Variants in TNRC18 observed in about 807,000 individuals in gnomAD.
The protein encoded by TNRC18 is trinucleotide repeat-containing gene 18 protein.
Under a neutral mutation model 226.7 loss-of-function variants are expected in TNRC18, and 69 were observed. The ratio of observed to expected loss-of-function variants is 0.30; its 90% confidence interval spans 0.25 to 0.37. The LOEUF (loss-of-function observed/expected upper bound fraction) is 0.37. Ranked by LOEUF, TNRC18 falls within the 10% of genes least tolerant of loss-of-function variation. The probability of loss-of-function intolerance (pLI) is 1.00; values close to 1 mark genes in which losing one functional copy is unlikely to be tolerated. For synonymous variants in TNRC18, 2,449 were observed against 1,927.6 expected (o/e 1.27, Z -7.09); for missense variants, 4,754 against 4,256.6 (o/e 1.12, Z -3.25).
In TNRC18 at chr7:5,313,379, A is replaced by G. The variant is rs765444905; in HGVS notation, c.7512T>C (p.Tyr2504=). 5 of 1,585,702 alleles carry G rather than the reference A, an allele frequency of 3.2e-6. No homozygotes were observed. The East Asian group carries it at 1.2e-4, about 37-fold the overall frequency. The part of the protein sequence containing the change: ...EPKSLLSLGS[Y]PPAAGSSEPK... Reference sequence around the variant, plus strand: ...GCTCGCTGCTGCCGGCCGCGGGGGGATAGCTGCCCAGGCTCAGGAGGCTCT... The same window carrying G: ...GCTCGCTGCTGCCGGCCGCGGGGGGGTAGCTGCCCAGGCTCAGGAGGCTCT... The change falls in exon 27 of 30, where the codon TAT becomes TAC. Residue 2504 remains tyrosine, a synonymous_variant. Coordinates refer to ENST00000430969, the MANE Select transcript of TNRC18 (RefSeq NM_001080495.3).
chr7:5,316,930 G>A (rs1284277373), intron 24 of TNRC18, among the ~76,000 whole-genome samples: 1 of 152,108 alleles, frequency 6.6e-6, no homozygotes, highest in African/African-American at 2.4e-5. Flanking sequence ...ACAGGCTGAG[G>A]GTGGCCCAGC....
At chr7:5,405,845 C>T (rs1279380403) in intron 2 of TNRC18, among the ~76,000 whole-genome samples, 1 of 152,214 alleles carries the variant, frequency 6.6e-6, no homozygotes, top group Non-Finnish European at 1.5e-5. Flanking sequence ...AGGAGGATCA[C>T]TTGAGCTCAG....
chr7:5,399,288 G>A (rs62443190), intron 2 of TNRC18, among the ~76,000 whole-genome samples: 32,343 of 152,084 alleles, frequency 0.21, 3,951 homozygotes, highest in Middle Eastern at 0.3. Flanking sequence ...GCGGTATGGG[G>A]GTCTCCCTGC....
At chr7:5,378,880 A>G (rs1204677748) in intron 5 of TNRC18, among the ~76,000 whole-genome samples, 1 of 150,664 alleles carries the variant, frequency 6.6e-6, no homozygotes, top group East Asian at 2.0e-4. Flanking sequence ...GTGTGTCCCA[A>G]GACAGTTTAA....
At chr7:5,399,853 AC>A (rs1476228694) in intron 2 of TNRC18, among the ~76,000 whole-genome samples, 1 of 144,630 alleles carries the variant, frequency 6.9e-6, no homozygotes, top group East Asian at 2.1e-4. Flanking sequence ...GGCGAAAACC[AC>A]CCCCCGCCCC....
Position 5,421,142 on chromosome 7 carries a change from G to A in TNRC18, c.105C>T (p.Ala35=). Residue 35 remains alanine (A), a synonymous_variant, in exon 2 of 30, where the codon GCC becomes GCT. Transcript: ENST00000430969. ...GCAAGCCCGAGGCGGGCAAGCGTCC[G>A]GCAGTGGCCGCGCCCACGCGGTGGC... The part of the protein sequence containing the change: ...MDSHRVGAAT[A]GRLPASGLPG... 1.4e-6 allele frequency: 2 copies of A among 1,436,340 alleles called. No individual in the cohort carries two copies. Among genetic ancestry groups the A allele is most frequent in the Non-Finnish European group, 1.8e-6 (2 of 1,090,744 alleles). 89.0% of individuals were successfully genotyped at this position (1,436,340 alleles called of 1,614,324 possible).
In TNRC18 at chr7:5,312,125, G is replaced by T. The variant is rs963753081; in HGVS notation, c.8388+378C>A. Among the ~76,000 whole-genome samples the T allele has an allele frequency of 6.6e-6, 1 of 152,214 alleles. No individual in the cohort carries two copies. Among genetic ancestry groups the T allele is most frequent in the Non-Finnish European group, 1.5e-5 (1 of 68,046 alleles). On this transcript the variant is annotated intron_variant, in intron 27 of 29. Transcript: ENST00000430969. The surrounding 1 kb of genome is among the most constrained non-coding windows in gnomAD (Gnocchi z 6.3). ...CACTCCAGCCTGGGCAACAGAGAGA[G>T]ACTCAGTCTCAAAAAAAGAAAAAGG... is the stretch of plus-strand genomic sequence containing the variant.
intron 2 of TNRC18, among the ~76,000 whole-genome samples, chr7:5,401,360 G>C (rs1048085679): frequency 2.0e-5 from 3 of 152,124 alleles, no homozygotes; most frequent in Admixed American, 6.6e-5. Flanking sequence ...CCCTCGCCCT[G>C]AATCAGGTCC....
At chr7:5,359,314 C>T in intron 15 of TNRC18, 84 bp downstream of exon 15, 1 of 1,413,382 alleles carries the variant, frequency 7.1e-7, no homozygotes, top group Non-Finnish European at 9.9e-7. Flanking sequence ...AACAAAGGGC[C>T]TGCGAAGGGA....
intron 3 of TNRC18, among the ~76,000 whole-genome samples, chr7:5,391,058 C>A (rs564250072): frequency 6.6e-6 from 1 of 152,186 alleles, no homozygotes; most frequent in Non-Finnish European, 1.5e-5. Flanking sequence ...GGCTTTGGAT[C>A]GAGACCATCG....
intron 16 of TNRC18, among the ~76,000 whole-genome samples, chr7:5,355,617 G>A (rs965799685): frequency 1.3e-5 from 2 of 152,184 alleles, no homozygotes; most frequent in Admixed American, 6.5e-5. Context: ...TGCACGTGGT[G>A]GTACACAGCT....
At chr7:5,357,453 C>T (rs1041275780) in intron 15 of TNRC18, among the ~76,000 whole-genome samples, 177 bp from the exon 16 acceptor site, 1 of 152,096 alleles carries the variant, frequency 6.6e-6, no homozygotes, top group Non-Finnish European at 1.5e-5. Flanking sequence ...GCTCTGTCGC[C>T]CAGCCTGGGG....
Position 5,388,431 on chromosome 7 carries a change from G to A in TNRC18, c.1393C>T (p.Leu465=), listed in dbSNP as rs763506902. The A allele has an allele frequency of 6.8e-6, 10 of 1,471,480 alleles. No individual in the cohort carries two copies. In the South Asian group the frequency reaches 1.2e-4, roughly 17 times the overall value. 91.2% of individuals were successfully genotyped at this position (1,471,480 alleles called of 1,614,324 possible). Reference sequence around the variant, plus strand: ...CTCGGGTCCGCCTCGGGCTTGAGCAGCTCCTTGGCAGGCACGTAGGCGCGG... The same window carrying A: ...CTCGGGTCCGCCTCGGGCTTGAGCAACTCCTTGGCAGGCACGTAGGCGCGG... The part of the protein sequence containing the change: ...DPRAYVPAKE[L]LKPEADPRPC... Residue 465 remains leucine, a synonymous_variant, in exon 5 of 30, where the codon CTG becomes TTG. Coordinates refer to ENST00000430969, the MANE Select transcript of TNRC18 (RefSeq NM_001080495.3).
intron 2 of TNRC18, among the ~76,000 whole-genome samples, chr7:5,415,381 T>A (rs1440479638): frequency 7.2e-6 from 1 of 138,732 alleles, no homozygotes; most frequent in Non-Finnish European, 1.5e-5. Flanking sequence ...TTTTTTTTTT[T>A]TTTTTTTTTT....
intron 14 of TNRC18, 141 bp from the exon 15 acceptor site, chr7:5,359,710 G>A (rs1792831941): frequency 1.2e-6 from 1 of 847,718 alleles, no homozygotes; most frequent in Non-Finnish European, 1.9e-6. Context: ...TGGGGAGATG[G>A]ATCTTGTAAA....
rs1055271719 is a variant in TNRC18 at position 5,423,504 on chromosome 7, C to G, written c.-307G>C. On this transcript the variant is annotated 5_prime_UTR_variant, in exon 1 of 30. Transcript: ENST00000430969. ...AACGACTCCGGCGGCGGCCCCGGCT[C>G]CCGGCGCAGCTAGGCGCCCCTGCTG... is the stretch of plus-strand genomic sequence containing the variant. The G allele has an allele frequency of 3.9e-5, 6 of 152,156 alleles. No individual in the cohort carries two copies. Among genetic ancestry groups the G allele is most frequent in the African/African-American group, 1.2e-4 (5 of 41,442 alleles). The allele number at this position is 152,156 out of a possible 1,614,324, so 9.4% of individuals were successfully genotyped here.
At chr7:5,409,231 G>C (rs1445230848) in intron 2 of TNRC18, among the ~76,000 whole-genome samples, 3 of 151,272 alleles carry the variant, frequency 2.0e-5, no homozygotes, top group African/African-American at 7.3e-5. Context: ...AAAGAGAAAA[G>C]AGAAAAAAGA....
intron 22 of TNRC18, 76 bp downstream of exon 22, chr7:5,320,997 C>G (rs1788293675): frequency 9.4e-7 from 1 of 1,068,662 alleles, no homozygotes; most frequent in African/African-American, 1.6e-5. Flanking sequence ...GGAGAAGCAG[C>G]CAGGCACAGA....
intron 5 of TNRC18, among the ~76,000 whole-genome samples, chr7:5,380,289 AT>A (rs1416164394): frequency 6.6e-6 from 1 of 152,172 alleles, no homozygotes; most frequent in Non-Finnish European, 1.5e-5. Flanking sequence ...CTACAAAAAC[AT>A]AAAAAATTAG....
Sources: gnomAD v4.1 joint callset for allele counts (sites outside exome capture counted in the v4.1 genomes callset) on GRCh38, gnomAD v4.1.1 for gene constraint, Gnocchi (gnomAD v3.1) non-coding constraint, MANE v1.5 for transcripts, NCBI Gene and HGNC (gene_info 2026-07-23, HGNC 2026-07-21) for gene names.